The following DACH2 variants were observed in gnomAD, a reference collection of about 807,000 sequenced individuals.
DACH2 encodes dachshund family transcription factor 2.
DACH2 carries 17 observed loss-of-function variants against 35.8 expected under a neutral mutation model. The observed-to-expected ratio is 0.48, with a 90% CI of 0.33 to 0.71. The LOEUF (loss-of-function observed/expected upper bound fraction) is 0.71. Ranked by LOEUF, DACH2 falls within the 30% of genes least tolerant of loss-of-function variation. DACH2 has a pLI of 0.02. For missense variants in DACH2, 469 were observed against 472.7 expected (o/e 0.99, Z 0.07); for synonymous variants, 195 against 177.3 (o/e 1.10, Z -0.79).
intron 7 of DACH2, among the ~76,000 whole-genome samples, chrX:86,796,754 G>A (rs1286682761): frequency 2.7e-5 from 3 of 111,871 alleles, no homozygotes; most frequent in African/African-American, 9.8e-5. Flanking sequence ...GGCTTCATGT[G>A]AAGTATATCT....
Position 86,564,550 on chromosome X carries a change from A to G in DACH2, c.640+50159A>G, listed in dbSNP as rs755402987. Among the ~76,000 whole-genome samples the G allele has an allele frequency of 2.7e-5, 3 of 111,450 alleles. No homozygotes were observed. In the South Asian group the frequency reaches 1.1e-3, roughly 42 times the overall value. On this transcript the variant is annotated intron_variant, in intron 3 of 11. Transcript: ENST00000373125. ...AGTAATCCACTTTAATTCCAGTGTA[A>G]TTTACCTCAATGTAATATAAAACCA...
At chrX:86,155,322 G>A (rs1307678276) in intron 1 of DACH2, among the ~76,000 whole-genome samples, 3 of 110,414 alleles carry the variant, frequency 2.7e-5, no homozygotes, top group Non-Finnish European at 5.7e-5. Context: ...ACTTGGTAAT[G>A]CTGAAAATCC....
intron 2 of DACH2, among the ~76,000 whole-genome samples, chrX:86,460,069 G>GA (rs2037541895): frequency 9.0e-6 from 1 of 110,603 alleles, no homozygotes; most frequent in Non-Finnish European, 1.9e-5. Context: ...ACTTAAAAAT[G>GA]AAAAAGGATC....
At chrX:86,737,684 G>A (rs2147257336) in intron 6 of DACH2, among the ~76,000 whole-genome samples, 1 of 111,767 alleles carries the variant, frequency 8.9e-6, no homozygotes, top group East Asian at 2.8e-4. Context: ...GCAAGGTGTG[G>A]TCAAGGTGTG....
chrX:86,329,101 G>T, intron 1 of DACH2, among the ~76,000 whole-genome samples: 1 of 111,361 alleles, frequency 9.0e-6, no homozygotes, highest in East Asian at 2.8e-4. Flanking sequence ...GATTGAAGTG[G>T]TGTGATGAGG....
At chrX:86,660,799 A>C (rs1477830937) in intron 4 of DACH2, among the ~76,000 whole-genome samples, 1 of 111,517 alleles carries the variant, frequency 9.0e-6, no homozygotes, top group Non-Finnish European at 1.9e-5. Context: ...CTGTCATGGT[A>C]TACATATATA....
intron 2 of DACH2, among the ~76,000 whole-genome samples, chrX:86,461,423 C>T (rs1411867488): frequency 1.8e-5 from 2 of 111,220 alleles, no homozygotes; most frequent in Non-Finnish European, 3.8e-5. Context: ...CATTCTGACT[C>T]TACCACCAAC....
At chrX:86,326,821 T>A (rs189302309) in intron 1 of DACH2, among the ~76,000 whole-genome samples, 11 of 112,057 alleles carry the variant, frequency 9.8e-5, no homozygotes, top group African/African-American at 3.2e-4. Flanking sequence ...TTTTACATTC[T>A]AGGTAATAAA....
intron 6 of DACH2, among the ~76,000 whole-genome samples, chrX:86,739,122 C>T: frequency 9.0e-6 from 1 of 111,641 alleles, no homozygotes; most frequent in Non-Finnish European, 1.9e-5. Context: ...GATCCACCCG[C>T]CTTGGCCTCC....
intron 2 of DACH2, among the ~76,000 whole-genome samples, chrX:86,449,911 T>C (rs776946304): frequency 1.8e-5 from 2 of 111,880 alleles, no homozygotes; most frequent in African/African-American, 3.2e-5. Flanking sequence ...GATATGTGAT[T>C]CACTCACCAT....
chrX:86,356,947 C>A (rs2035653178), intron 1 of DACH2, among the ~76,000 whole-genome samples: 1 of 110,774 alleles, frequency 9.0e-6, no homozygotes, highest in Non-Finnish European at 1.9e-5. Context: ...GGTTTTTATC[C>A]CTTTCTCCCC....
At chrX:86,629,289 A>G (rs2040171861) in intron 3 of DACH2, among the ~76,000 whole-genome samples, 1 of 111,158 alleles carries the variant, frequency 9.0e-6, no homozygotes, top group Non-Finnish European at 1.9e-5. Context: ...TAGAGTCACA[A>G]TGGTATTTGC....
intron 1 of DACH2, among the ~76,000 whole-genome samples, chrX:86,266,522 T>C (rs1297247294): frequency 2.7e-5 from 3 of 111,903 alleles, no homozygotes; most frequent in African/African-American, 9.7e-5. Context: ...AAGTATATAG[T>C]TTTGTCTATT....
intron 7 of DACH2, among the ~76,000 whole-genome samples, chrX:86,806,500 G>A (rs988506731): frequency 5.4e-5 from 6 of 111,722 alleles, no homozygotes; most frequent in Non-Finnish European, 9.4e-5. Flanking sequence ...TTCAGATTTT[G>A]CAGTATTTGC....
intron 3 of DACH2, among the ~76,000 whole-genome samples, chrX:86,591,782 C>T (rs1003513153): frequency 7.2e-5 from 8 of 110,712 alleles, no homozygotes; most frequent in African/African-American, 1.6e-4. Context: ...ATGATTCACC[C>T]GCCTCAGCCT....
At chrX:86,315,758 C>T (rs1216207801) in intron 1 of DACH2, among the ~76,000 whole-genome samples, 1 of 106,470 alleles carries the variant, frequency 9.4e-6, no homozygotes, top group Non-Finnish European at 1.9e-5. Context: ...GAGGTTCTTG[C>T]TCTCACGGCC....
chrX:86,667,354 G>A (rs1365388616), intron 4 of DACH2, among the ~76,000 whole-genome samples: 8 of 76,134 alleles, frequency 1.1e-4, no homozygotes, highest in Non-Finnish European at 2.5e-5. Flanking sequence ...AGGAAGGAAG[G>A]AAGAGGAAGG....
At chrX:86,367,011 T>C (rs1431778848) in intron 1 of DACH2, among the ~76,000 whole-genome samples, 2 of 105,522 alleles carry the variant, frequency 1.9e-5, no homozygotes, top group Non-Finnish European at 4.1e-5. Context: ...ATGCACCATA[T>C]TTTTTTTAAA....
At chrX:86,227,025 T>C (rs898665646) in intron 1 of DACH2, among the ~76,000 whole-genome samples, 1 of 111,460 alleles carries the variant, frequency 9.0e-6, no homozygotes, top group Admixed American at 9.6e-5. Context: ...AGAAAAGTAA[T>C]ATCCTACCCA....
Sources: gnomAD v4.1 joint callset for allele counts (sites outside exome capture counted in the v4.1 genomes callset) on GRCh38, gnomAD v4.1.1 for gene constraint, MANE v1.5 for transcripts, NCBI Gene and HGNC (gene_info 2026-07-23, HGNC 2026-07-21) for gene names.